NEK7: variants seen among roughly 807,000 people sequenced by gnomAD.
The protein encoded by NEK7 is serine/threonine-protein kinase Nek7.
Under a neutral mutation model 44.6 loss-of-function variants are expected in NEK7, and 18 were observed. That is an observed-to-expected ratio of 0.40 (90% CI 0.28 to 0.60). The LOEUF (loss-of-function observed/expected upper bound fraction) is 0.60. NEK7 is among the 20% of genes least tolerant of loss of function. The probability of loss-of-function intolerance (pLI) is 0.38; values close to 1 mark genes in which losing one functional copy is unlikely to be tolerated. For missense variants in NEK7, 256 were observed against 366.5 expected, an observed-to-expected ratio of 0.70 and a Z score of 2.46; for synonymous variants, 130 against 121.1, an observed-to-expected ratio of 1.07 and a Z score of -0.48.
Position 198,266,940 on chromosome 1 carries a change from C to A in NEK7, c.372+2705C>A, listed in dbSNP as rs187013602. The stretch of plus-strand genomic sequence containing the variant: ...AGTTGACTTTATTCCTCCAGTTTTA[C>A]AGAGTATTTAGAAGTCACTAGACAG... On this transcript the variant is annotated intron_variant, in intron 5 of 9. Coordinates refer to ENST00000367385, the MANE Select transcript of NEK7 (RefSeq NM_133494.3). Among the ~76,000 whole-genome samples the A allele has an allele frequency of 4.4e-4, 67 of 152,186 alleles. No individual in the cohort carries two copies. In the East Asian group the frequency reaches 0.01, roughly 23 times the overall value.
intron 1 of NEK7, among the ~76,000 whole-genome samples, chr1:198,216,900 A>G (rs1158564742): frequency 2.0e-5 from 3 of 151,980 alleles, no homozygotes; most frequent in Non-Finnish European, 4.4e-5. Context: ...TCAGGAAGAA[A>G]TAGAAATTCT....
chr1:198,176,345 G>T (rs976199089), intron 1 of NEK7, among the ~76,000 whole-genome samples: 1 of 152,168 alleles, frequency 6.6e-6, no homozygotes, highest in Non-Finnish European at 1.5e-5. Context: ...ACCAAGCAAG[G>T]TTGACCAGGC....
chr1:198,270,166 A>T (rs1164092862), intron 5 of NEK7, among the ~76,000 whole-genome samples: 1 of 151,968 alleles, frequency 6.6e-6, no homozygotes, highest in East Asian at 1.9e-4. Flanking sequence ...TGTCAATAGA[A>T]ATGTTACTAA....
intron 7 of NEK7, 74 bp downstream of exon 7, chr1:198,279,135 C>A: frequency 1.2e-6 from 1 of 853,668 alleles, no homozygotes; most frequent in Non-Finnish European, 2.0e-6. Context: ...ATACCAATTA[C>A]ATGCCAGCTC....
rs570118723 is a variant in NEK7 at position 198,186,725 on chromosome 1, G to GA, written c.-29+29454dup. On this transcript the variant is annotated intron_variant, in intron 1 of 9. Coordinates refer to ENST00000367385, the MANE Select transcript of NEK7 (RefSeq NM_133494.3). ...ATTAGATATGCTGTCAGGTGCTGAG[G>GA]AAAAATTCATCCAGTTTATCTCATA... 8.5e-5 allele frequency among the ~76,000 whole-genome samples: 13 copies of GA among 152,238 alleles called. No individual in the cohort carries two copies. The South Asian group carries it at 2.7e-3, about 32-fold the overall frequency.
At position 198,278,032 on chromosome 1, in the gene NEK7, A is replaced by G; in HGVS notation, c.444A>G (p.Ala148=). The G allele has an allele frequency of 1.3e-6, 2 of 1,597,134 alleles. No homozygotes were observed. Among genetic ancestry groups the G allele is most frequent in the Non-Finnish European group, 1.7e-6 (2 of 1,165,546 alleles). ...AGTATTTTGTTCAGCTTTGCAGTGC[A>G]TTGGAACACATGCATTCTCGAAGAG... ...VWKYFVQLCS[A]LEHMHSRRVM... is the part of the protein sequence containing the mutation. Residue 148 remains alanine, a synonymous_variant, in exon 6 of 10, where the codon GCA becomes GCG. Coordinates refer to ENST00000367385, the MANE Select transcript of NEK7 (RefSeq NM_133494.3).
intron 2 of NEK7, among the ~76,000 whole-genome samples, chr1:198,242,973 C>T (rs900136163): frequency 3.3e-5 from 5 of 151,842 alleles, no homozygotes; most frequent in African/African-American, 1.2e-4. Flanking sequence ...CCAGAGTGCT[C>T]AGTGCTTACC....
intron 1 of NEK7, among the ~76,000 whole-genome samples, chr1:198,224,085 A>AG: frequency 6.6e-6 from 1 of 152,252 alleles, no homozygotes; most frequent in East Asian, 1.9e-4. Context: ...TTATTGAAAT[A>AG]CTTCTCTTTT....
intron 1 of NEK7, among the ~76,000 whole-genome samples, chr1:198,179,743 G>A (rs773465823): frequency 2.6e-5 from 4 of 152,088 alleles, no homozygotes; most frequent in Admixed American, 6.6e-5. Flanking sequence ...AATTTTGTTC[G>A]TATGCAGATT....
At chr1:198,198,118 A>G (rs1665299354) in intron 1 of NEK7, 5 of 1,093,166 alleles carry the variant, frequency 4.6e-6, no homozygotes, top group Non-Finnish European at 5.3e-6. Context: ...CAGGATTGGA[A>G]CCTCCAGGGT....
intron 7 of NEK7, among the ~76,000 whole-genome samples, chr1:198,280,204 C>T (rs2102984777): frequency 6.6e-6 from 1 of 152,066 alleles, no homozygotes; most frequent in South Asian, 2.1e-4. Flanking sequence ...GGGGAAGTTA[C>T]AGTACATGCA....
intron 2 of NEK7, among the ~76,000 whole-genome samples, chr1:198,244,000 A>G (rs1666762611): frequency 6.8e-6 from 1 of 146,962 alleles, no homozygotes; most frequent in Non-Finnish European, 1.5e-5. Context: ...TGTAATTTGT[A>G]GGTGGGTAAC....
intron 8 of NEK7, among the ~76,000 whole-genome samples, chr1:198,296,013 C>T (rs1436018063): frequency 1.3e-5 from 2 of 152,044 alleles, no homozygotes; most frequent in Admixed American, 1.3e-4. Context: ...AGCTACTTTC[C>T]AGTTTTGATT....
intron 1 of NEK7, among the ~76,000 whole-genome samples, chr1:198,210,843 C>G (rs1571535237): frequency 6.8e-6 from 1 of 147,924 alleles, no homozygotes; most frequent in African/African-American, 2.5e-5. Context: ...AGCTCCGCCT[C>G]CCGGGTTCAC....
intron 7 of NEK7, among the ~76,000 whole-genome samples, chr1:198,280,063 CAT>C (rs1168693623): frequency 8.6e-5 from 13 of 151,992 alleles, no homozygotes; most frequent in Non-Finnish European, 1.3e-4. Context: ...TGCTGAATAA[CAT>C]AGTTTTTTTC....
chr1:198,236,598 A>G lies in NEK7; in HGVS notation c.57+3961A>G, dbSNP rs531976864. Among the ~76,000 whole-genome samples, 8 of 152,106 alleles carry G rather than the reference A, an allele frequency of 5.3e-5. 1 individual carries two copies. The highest frequency in any genetic ancestry group is 1.9e-4 in the African/African-American group (8 of 41,462). ...GCTCTAAGCTGATGCCCTTGCTCCT[A>G]TTTTACTGAAGAAACTGAAGCAGTC... On this transcript the variant is annotated intron_variant, in intron 2 of 9. Transcript: ENST00000367385.
chr1:198,270,847 T>C (rs1333011328), intron 5 of NEK7, among the ~76,000 whole-genome samples: 1 of 152,062 alleles, frequency 6.6e-6, no homozygotes, highest in East Asian at 1.9e-4. Context: ...TTCCTGTGGG[T>C]CAGGATTAGT....
intron 9 of NEK7, among the ~76,000 whole-genome samples, chr1:198,311,709 T>C (rs1418729863): frequency 6.6e-6 from 1 of 152,242 alleles, no homozygotes; most frequent in Non-Finnish European, 1.5e-5. Flanking sequence ...GTGGTTTTTC[T>C]GTTTGGTTCT....
At chr1:198,214,258 A>G (rs928736703) in intron 1 of NEK7, among the ~76,000 whole-genome samples, 1 of 152,232 alleles carries the variant, frequency 6.6e-6, no homozygotes, top group Admixed American at 6.5e-5. Context: ...AATTCTGGCA[A>G]TATGAAAAAA....
Sources: gnomAD v4.1 joint callset for allele counts (sites outside exome capture counted in the v4.1 genomes callset) on GRCh38, gnomAD v4.1.1 for gene constraint, MANE v1.5 for transcripts, NCBI Gene and HGNC (gene_info 2026-07-23, HGNC 2026-07-21) for gene names.